Variants in INPP5E observed in about 807,000 individuals in gnomAD.
The protein encoded by INPP5E is phosphatidylinositol polyphosphate 5-phosphatase type IV.
INPP5E carries 34 observed loss-of-function variants against 50.5 expected under a neutral mutation model. The observed-to-expected ratio is 0.67, with a 90% CI of 0.51 to 0.90. INPP5E has a LOEUF of 0.90. Ranked by LOEUF, INPP5E falls within the 40% of genes least tolerant of loss-of-function variation. The pLI, the probability that INPP5E is intolerant of heterozygous loss-of-function variation, is 0.00. For missense variants in INPP5E, 942 were observed against 905.5 expected (o/e 1.04, Z -0.52); for synonymous variants, 447 against 406.0 (o/e 1.10, Z -1.21).
Position 136,438,913 on chromosome 9 carries a change from CG to C in INPP5E, c.506del (p.Pro169ArgfsTer29). 1 of 1,575,376 alleles carries C rather than the reference CG, an allele frequency of 6.3e-7. No individual in the cohort carries two copies. The highest frequency in any genetic ancestry group is 8.6e-7 in the Non-Finnish European group (1 of 1,161,008). ...NPLSGVASSSPNLPHRDAAVA... is the reference protein window; with the variant it reads ...NPLSGVASSSXNLPHRDAAVA... ...CGGCGGCGTCTCTGTGCGGGAGGTT[CG>C]GGGAGCTGCTGGCCACCCCAGAGAG... is the stretch of plus-strand genomic sequence containing the variant. On this transcript the variant is annotated frameshift_variant, in exon 1 of 10. Transcript: ENST00000371712. LOFTEE classifies it high-confidence loss of function.
chr9:136,432,623 C>T (rs1564432841), intron 5 of INPP5E, 37 bp from the exon 6 acceptor site: 1 of 1,360,484 alleles, frequency 7.4e-7, no homozygotes, highest in Non-Finnish European at 1.0e-6. Flanking sequence ...CCACAGGGTT[C>T]CGGATGCTCG....
rs2131603333 is a variant in INPP5E, at chr9:136,429,087, C to T, written c.*588G>A. The T allele has an allele frequency of 1.1e-5, 2 of 175,676 alleles. No homozygotes were observed. Among genetic ancestry groups the T allele is most frequent in the South Asian group, 2.7e-4 (2 of 7,480 alleles). 10.9% of individuals were successfully genotyped at this position (175,676 alleles called of 1,614,324 possible). A position where few individuals can be genotyped will look rare whatever the true frequency, so the allele number is the denominator to read the frequency against. ...TCGCCCCATGGCAGGCGACTTGCAG[C>T]CAAGTGGAGGGGAACCGTGCCACGT... On this transcript the variant is annotated 3_prime_UTR_variant, in exon 10 of 10. Coordinates refer to ENST00000371712, the MANE Select transcript of INPP5E (RefSeq NM_019892.6).
rs1336953898 is a variant in INPP5E, at chr9:136,439,784, CGCGGAGGCCCGGCCGCCCAGAA to C, written c.-387_-366del. ...CAGACTCCGAAGTCGACCCGGTACT[CGCGGAGGCCCGGCCGCCCAGAA>C]GCGGAGTCAGCCCGGCCGGGACCCA... On this transcript the variant is annotated 5_prime_UTR_variant, in exon 1 of 10. Coordinates refer to ENST00000371712, the MANE Select transcript of INPP5E (RefSeq NM_019892.6). 3 of 172,710 alleles carry C rather than the reference CGCGGAGGCCCGGCCGCCCAGAA, an allele frequency of 1.7e-5. No individual in the cohort carries two copies. The highest frequency in any genetic ancestry group is 7.1e-5 in the African/African-American group (3 of 42,264). 10.7% of individuals were successfully genotyped at this position (172,710 alleles called of 1,614,324 possible).
rs569787511 is a variant in INPP5E at position 136,434,901 on chromosome 9, G to A, written c.813-38C>T. 3.2e-6 allele frequency: 5 copies of A among 1,586,668 alleles called. No homozygotes were observed. The South Asian group carries it at 3.4e-5, about 11-fold the overall frequency. On this transcript the variant is annotated intron_variant, in intron 1 of 9. Transcript: ENST00000371712. ...GACCCCAAGCTCAGGGCCAGGCACA[G>A]GACACATCCCTGGGGGTCTGGGCCA...
At chr9:136,429,871 G>T in intron 9 of INPP5E, 64 bp from the exon 10 acceptor site, 1 of 1,265,074 alleles carries the variant, frequency 7.9e-7, no homozygotes. Context: ...GTTAGGAGGG[G>T]GCCGGCCCCG....
intron 2 of INPP5E, among the ~76,000 whole-genome samples, chr9:136,434,510 C>T (rs964004251): frequency 2.0e-5 from 3 of 152,012 alleles, no homozygotes; most frequent in African/African-American, 7.3e-5. Flanking sequence ...CCCCAACCCC[C>T]TCCCCTACTT....
rs371950473 is a variant in INPP5E, at chr9:136,438,833, G to A, written c.587C>T (p.Ala196Val). 9.3e-6 allele frequency: 15 copies of A among 1,610,132 alleles called. No individual in the cohort carries two copies. In the African/African-American group the frequency reaches 1.3e-4, roughly 14 times the overall value. The change falls in exon 1 of 10, where the codon GCC becomes GTC. Residue 196 changes from alanine (A) to valine (V), a missense_variant. By Grantham distance (64) the Ala-to-Val change is moderately conservative. Transcript: ENST00000371712. ...GTCGGAGGCGATGTCCAGGCTCAGG[G>A]CAGGCGGTGGGCGCGGGGGCAGCAG... is the stretch of plus-strand genomic sequence containing the variant. ...PSLLPPRPPP[A>V]LSLDIASDSL...
intron 1 of INPP5E, among the ~76,000 whole-genome samples, chr9:136,435,117 G>A (rs561843659): frequency 7.0e-4 from 107 of 152,270 alleles, no homozygotes; most frequent in African/African-American, 2.5e-3. Context: ...AGAGGGTGAC[G>A]GTTTGGGCTT....
Position 136,437,103 on chromosome 9 carries a change from T to C in INPP5E, c.812+1505A>G, listed in dbSNP as rs533365978. On this transcript the variant is annotated intron_variant, in intron 1 of 9. Transcript: ENST00000371712. ...ACAAAAGCAGCAGTCTTGCCCTGGA[T>C]GTGATCGCACCTGCTCCATCCATGA... is the stretch of plus-strand genomic sequence containing the variant. 9 of 152,356 alleles carry C rather than the reference T, an allele frequency of 5.9e-5. No homozygotes were observed. In the South Asian group the frequency reaches 1.0e-3, roughly 18 times the overall value. 9.4% of individuals were successfully genotyped at this position (152,356 alleles called of 1,614,324 possible).
rs1032214000 is a variant in INPP5E, at chr9:136,430,220, T to C, written c.1802+57A>G. 4.5e-6 allele frequency: 7 copies of C among 1,547,818 alleles called. No individual in the cohort carries two copies. The East Asian group carries it at 9.8e-5, about 22-fold the overall frequency. On this transcript the variant is annotated intron_variant, in intron 9 of 9. Transcript: ENST00000371712. ...CGATGACAGGGACCCTCTTAGCTCA[T>C]GGGACGACGGCACGACCCCCAGGCC...
chr9:136,435,770 C>T (rs1186029699), intron 1 of INPP5E: 3 of 152,192 alleles, frequency 2.0e-5, no homozygotes, highest in Non-Finnish European at 4.4e-5. Context: ...GTGCAAGAGC[C>T]ACCAGGGGAT....
At chr9:136,433,346 T>G (rs1451255032) in intron 3 of INPP5E, 67 bp from the exon 4 acceptor site, 14 of 1,516,924 alleles carry the variant, frequency 9.2e-6, no homozygotes, top group Non-Finnish European at 1.1e-5. Context: ...CCAGACCTGC[T>G]GCCCAGAGCC....
Position 136,439,338 on chromosome 9 carries a change from G to A in INPP5E, c.82C>T (p.Pro28Ser). ...GCGCGCTGGGCCGGCGGAGCGCCGG[G>A]AAGCTGTCCTTGGAGCGTCCTCCCT... ...PEGRTLQGQL[P>S]GAPPAQRAGS... The change falls in exon 1 of 10, where the codon CCC (proline) becomes TCC (serine). Residue 28 changes from proline (P) to serine (S), a missense_variant. Pro to Ser is a moderately conservative substitution (Grantham distance 74). Coordinates refer to ENST00000371712, the MANE Select transcript of INPP5E (RefSeq NM_019892.6). 7.0e-7 allele frequency: 1 copy of A among 1,421,180 alleles called. No homozygotes were observed. The highest frequency in any genetic ancestry group is 2.9e-5 in the East Asian group (1 of 34,526). 88.0% of individuals were successfully genotyped at this position (1,421,180 alleles called of 1,614,324 possible).
rs1835683492 is a variant in INPP5E at position 136,430,910 on chromosome 9, G to C, written c.1665+92C>G. On this transcript the variant is annotated intron_variant, in intron 8 of 9. Coordinates refer to ENST00000371712, the MANE Select transcript of INPP5E (RefSeq NM_019892.6). The stretch of plus-strand genomic sequence containing the variant: ...CTGAGTTTCAAGTCCAGGCCGTCCA[G>C]GCTCAGACCCCTGACGCCAGGCATC... 4.3e-6 allele frequency: 4 copies of C among 928,628 alleles called. No homozygotes were observed. The Admixed American group carries it at 5.6e-5, about 13-fold the overall frequency. The allele number at this position is 928,628 out of a possible 1,614,324, so 57.5% of individuals were successfully genotyped here. A position where few individuals can be genotyped will look rare whatever the true frequency, so the allele number is the denominator to read the frequency against.
intron 1 of INPP5E, 108 bp from the exon 2 acceptor site, chr9:136,434,971 C>T: frequency 1.5e-6 from 2 of 1,362,628 alleles, no homozygotes; most frequent in Non-Finnish European, 2.0e-6. Context: ...TCAGGAGCTG[C>T]CCCCAGCCCC....
In INPP5E at chr9:136,431,813, C is replaced by G. The variant is rs762345319; in HGVS notation, c.1549+11G>C. The G allele has an allele frequency of 5.7e-6, 9 of 1,588,094 alleles. No individual in the cohort carries two copies. The highest frequency in any genetic ancestry group is 1.7e-4 in the Middle Eastern group (1 of 5,848). ...TCATCTCCCTCCATGCCCGCCCCCCCAGGCCCTCACCTTTCCGCATCTCCC... is the reference window on the plus strand; with the variant it reads ...TCATCTCCCTCCATGCCCGCCCCCCGAGGCCCTCACCTTTCCGCATCTCCC... On this transcript the variant is annotated intron_variant, in intron 7 of 9. Transcript: ENST00000371712.
chr9:136,429,306 C>T lies in INPP5E; in HGVS notation c.*369G>A, dbSNP rs988532303. 4 of 384,948 alleles carry T rather than the reference C, an allele frequency of 1.0e-5. No individual in the cohort carries two copies. The highest frequency in any genetic ancestry group is 6.2e-5 in the African/African-American group (3 of 48,114). 23.8% of individuals were successfully genotyped at this position (384,948 alleles called of 1,614,324 possible). ...TGTGGAGGGAGAGGCTGGTGCAGAG[C>T]ACGGGGGTGTTGGGGGGCTCTGTGA... On this transcript the variant is annotated 3_prime_UTR_variant, in exon 10 of 10. Coordinates refer to ENST00000371712, the MANE Select transcript of INPP5E (RefSeq NM_019892.6).
chr9:136,435,108 G>T (rs564418253), intron 1 of INPP5E, among the ~76,000 whole-genome samples: 1 of 152,180 alleles, frequency 6.6e-6, no homozygotes, highest in East Asian at 1.9e-4. Flanking sequence ...AGAGGCATGA[G>T]AGGGTGACGG....
chr9:136,437,090 G>A (rs1304038137), intron 1 of INPP5E: 1 of 152,270 alleles, frequency 6.6e-6, no homozygotes, highest in African/African-American at 2.4e-5. Context: ...AAAAGCAGCA[G>A]TCTTGCCCTG....
Sources: gnomAD v4.1 joint callset for allele counts (sites outside exome capture counted in the v4.1 genomes callset) on GRCh38, gnomAD v4.1.1 for gene constraint, MANE v1.5 for transcripts, NCBI Gene and HGNC (gene_info 2026-07-23, HGNC 2026-07-21) for gene names.